SLC4A8: variants seen among roughly 807,000 people sequenced by gnomAD.
SLC4A8 encodes the protein electroneutral sodium bicarbonate exchanger 1.
In SLC4A8, 40 loss-of-function variants were observed where a neutral mutation model predicts 125.0. The observed-to-expected ratio is 0.32, with a 90% confidence interval of 0.25 to 0.42. The LOEUF is 0.42. Ranked by LOEUF, SLC4A8 falls within the 10% of genes least tolerant of loss-of-function variation. The pLI is 1.00. For synonymous variants in SLC4A8, 456 were observed against 476.0 expected, an observed-to-expected ratio of 0.96 and a Z score of 0.55; for missense variants, 863 against 1,355.1, an observed-to-expected ratio of 0.64 and a Z score of 5.70.
At chr12:51,397,757 G>T (rs1176437749) in intron 1 of SLC4A8, among the ~76,000 whole-genome samples, 1 of 152,028 alleles carries the variant, frequency 6.6e-6, no homozygotes. Context: ...TCTGAAATTG[G>T]TATGTATCTT....
chr12:51,442,144 T>C (rs1333027176), intron 2 of SLC4A8, among the ~76,000 whole-genome samples: 2 of 152,200 alleles, frequency 1.3e-5, no homozygotes, highest in Non-Finnish European at 2.9e-5. Context: ...TCGAGCCTAA[T>C]TGCAGGTGAG....
chr12:51,396,373 A>G (rs1002419757), intron 1 of SLC4A8, among the ~76,000 whole-genome samples: 3 of 152,226 alleles, frequency 2.0e-5, no homozygotes, highest in Non-Finnish European at 4.4e-5. Context: ...AAAAATGACT[A>G]TGAAGGAGCA....
chr12:51,448,555 TGAG>T (rs1329174653), intron 2 of SLC4A8, among the ~76,000 whole-genome samples: 3 of 152,062 alleles, frequency 2.0e-5, no homozygotes, highest in South Asian at 2.1e-4. Context: ...GACAGAAACT[TGAG>T]GAGCTTTCCT....
chr12:51,416,354 G>A (rs532331155), intron 1 of SLC4A8, among the ~76,000 whole-genome samples: 2 of 151,632 alleles, frequency 1.3e-5, no homozygotes, highest in Admixed American at 6.6e-5. Context: ...AAAACATAAG[G>A]ACAATAGGCT....
chr12:51,503,987 C>A, intron 22 of SLC4A8, 42 bp from the exon 23 acceptor site: 1 of 1,137,162 alleles, frequency 8.8e-7, no homozygotes, highest in Non-Finnish European at 1.3e-6. Context: ...AACTTATGGT[C>A]TTACTTGGTC....
upstream of SLC4A8, among the ~76,000 whole-genome samples, chr12:51,423,096 C>G (rs1475224787): frequency 6.6e-6 from 1 of 152,160 alleles, no homozygotes; most frequent in Admixed American, 6.5e-5. Flanking sequence ...TTACTAAGTA[C>G]TTTCTATGTG....
upstream of SLC4A8, among the ~76,000 whole-genome samples, chr12:51,420,563 T>C (rs1948767351): frequency 6.6e-6 from 1 of 152,162 alleles, no homozygotes; most frequent in Non-Finnish European, 1.5e-5. Flanking sequence ...ATGCAAAATT[T>C]TGGGCTTTGT....
chr12:51,482,734 G>A (rs191085294), intron 16 of SLC4A8, among the ~76,000 whole-genome samples: 1 of 152,214 alleles, frequency 6.6e-6, no homozygotes, highest in Non-Finnish European at 1.5e-5. Flanking sequence ...GTTTGGGGTA[G>A]GCAGTGAAAT....
intron 1 of SLC4A8, among the ~76,000 whole-genome samples, chr12:51,438,571 A>C (rs532162820): frequency 6.6e-6 from 1 of 152,184 alleles, no homozygotes; most frequent in African/African-American, 2.4e-5. Flanking sequence ...GCTATTATGA[A>C]TAGTGCTGCG....
At position 51,426,240 on chromosome 12, in the gene SLC4A8, T is replaced by G. The variant is rs140916472; in HGVS notation, c.48+1205T>G. The stretch of plus-strand genomic sequence containing the variant: ...CTACAATTAATAGAAGATACATCCT[T>G]CTTTCCTTGCTCTGTCTGAAAAGAA... On this transcript the variant is annotated intron_variant, in intron 1 of 24. Coordinates refer to ENST00000453097, the MANE Select transcript of SLC4A8 (RefSeq NM_001039960.3). 4.8e-4 allele frequency among the ~76,000 whole-genome samples: 73 copies of G among 152,334 alleles called. No individual in the cohort carries two copies. In the Middle Eastern group the frequency reaches 0.02, roughly 43 times the overall value.
chr12:51,398,509 AT>A (rs1419403579), intron 1 of SLC4A8, among the ~76,000 whole-genome samples: 1 of 152,202 alleles, frequency 6.6e-6, no homozygotes, highest in Non-Finnish European at 1.5e-5. Flanking sequence ...TGCTTGTAAG[AT>A]TTTGCTGTGA....
chr12:51,422,284 A>G (rs921687191), upstream of SLC4A8: 1 of 152,256 alleles, frequency 6.6e-6, no homozygotes, highest in South Asian at 2.1e-4. Flanking sequence ...TAAAGCCTTC[A>G]GCGTCCTGCT....
intron 2 of SLC4A8, among the ~76,000 whole-genome samples, chr12:51,442,604 A>ACT (rs1555190015): frequency 6.6e-6 from 1 of 152,214 alleles, no homozygotes; most frequent in Non-Finnish European, 1.5e-5. Flanking sequence ...TGACAGCCTT[A>ACT]CTAGTGCATA....
intron 18 of SLC4A8, 70 bp downstream of exon 18, chr12:51,488,930 GC>G (rs1316227808): frequency 1.6e-6 from 2 of 1,254,202 alleles, no homozygotes; most frequent in Non-Finnish European, 2.3e-6. Context: ...TTTAGGGTAA[GC>G]ACATCTAGAC....
intron 22 of SLC4A8, 29 bp from the exon 23 acceptor site, chr12:51,504,000 A>G: frequency 1.5e-6 from 2 of 1,335,194 alleles, no homozygotes; most frequent in Non-Finnish European, 2.1e-6. Context: ...ACTTGGTCCA[A>G]GATATAATAA....
Position 51,508,016 on chromosome 12 carries a change from TG to T in SLC4A8, c.*581del, listed in dbSNP as rs1938240711. 6.6e-6 allele frequency: 1 copy of T among 152,404 alleles called. No homozygotes were observed. The highest frequency in any genetic ancestry group is 1.5e-5 in the Non-Finnish European group (1 of 68,158). The allele number at this position is 152,404 out of a possible 1,614,324, so 9.4% of individuals were successfully genotyped here. A position where few individuals can be genotyped will look rare whatever the true frequency, so the allele number is the denominator to read the frequency against. On this transcript the variant is annotated 3_prime_UTR_variant, in exon 25 of 25. Transcript: ENST00000453097. ...TCAGCTACCAGGAAGATCCATGATC[TG>T]GGCATTGGCAGTGCCTGCCACCACA...
chr12:51,445,747 C>T (rs1364663447), intron 2 of SLC4A8, among the ~76,000 whole-genome samples: 1 of 151,996 alleles, frequency 6.6e-6, no homozygotes, highest in African/African-American at 2.4e-5. Context: ...ATCTTAAAGT[C>T]TCCCTTCTCC....
rs570665641 is a variant in SLC4A8, at chr12:51,408,413, T to G, written c.-112+16925T>G. On this transcript the variant is annotated intron_variant, in intron 1 of 24. Coordinates refer to the SLC4A8 transcript ENST00000358657. ...CCCAGCTAATTTTTTGTATTTTTTT[T>G]TTTAGTAGCGATGGGGTTTCTCCAT... is the stretch of plus-strand genomic sequence containing the variant. Among the ~76,000 whole-genome samples the G allele has an allele frequency of 6.8e-4, 104 of 152,222 alleles. 1 individual carries two copies. Among genetic ancestry groups the G allele is most frequent in the Non-Finnish European group, 1.2e-3 (79 of 68,004 alleles).
At chr12:51,456,745 C>G (rs1950163251) in intron 5 of SLC4A8, among the ~76,000 whole-genome samples, 1 of 152,194 alleles carries the variant, frequency 6.6e-6, no homozygotes, top group Non-Finnish European at 1.5e-5. Flanking sequence ...CCACTTAACA[C>G]TAGGTATTGA....
Sources: gnomAD v4.1 joint callset for allele counts (sites outside exome capture counted in the v4.1 genomes callset) on GRCh38, gnomAD v4.1.1 for gene constraint, MANE v1.5 for transcripts, NCBI Gene and HGNC (gene_info 2026-07-23, HGNC 2026-07-21) for gene names.